TENM2: variants seen among roughly 807,000 people sequenced by gnomAD.
TENM2 encodes teneurin transmembrane protein 2.
Under a neutral mutation model 245.2 loss-of-function variants are expected in TENM2, and 52 were observed. The observed-to-expected ratio is 0.21, with a 90% CI of 0.17 to 0.27. TENM2 has a LOEUF of 0.27. Among genes scored for constraint, TENM2 ranks in the 10% least tolerant of loss-of-function variants. The probability of loss-of-function intolerance (pLI) is 1.00; values close to 1 mark genes in which losing one functional copy is unlikely to be tolerated. For synonymous variants in TENM2, 1,363 were observed against 1,438.9 expected (o/e 0.95, Z 1.19); for missense variants, 3,046 against 3,666.8 (o/e 0.83, Z 4.37).
chr5:167,741,646 A>T (rs1022201987), intron 2 of TENM2, among the ~76,000 whole-genome samples: 2 of 152,126 alleles, frequency 1.3e-5, no homozygotes, highest in African/African-American at 4.8e-5. Context: ...CTCAGCTTCA[A>T]CATATTGAAA....
chr5:167,945,957 G>GA (rs1437942906), intron 3 of TENM2, among the ~76,000 whole-genome samples: 2 of 152,126 alleles, frequency 1.3e-5, no homozygotes, highest in African/African-American at 4.8e-5. Context: ...CCTCCACTCT[G>GA]AAATGTGGAA....
chr5:168,164,856 T>C (rs1054333884), intron 13 of TENM2, among the ~76,000 whole-genome samples: 1 of 152,220 alleles, frequency 6.6e-6, no homozygotes, highest in East Asian at 1.9e-4. Context: ...TAGTGCCACC[T>C]TGGACCAGTC....
chr5:167,641,817 AC>A (rs1308767292), intron 2 of TENM2, among the ~76,000 whole-genome samples: 1 of 152,072 alleles, frequency 6.6e-6, no homozygotes, highest in Non-Finnish European at 1.5e-5. Flanking sequence ...CATCTAAAGG[AC>A]CCACTAACAT....
chr5:167,503,670 G>T (rs1214862250), intron 2 of TENM2, among the ~76,000 whole-genome samples: 1 of 152,196 alleles, frequency 6.6e-6, no homozygotes, highest in Non-Finnish European at 1.5e-5. Context: ...GAGGCAGGTG[G>T]ATTGCTTGAG....
intron 6 of TENM2, among the ~76,000 whole-genome samples, chr5:168,054,350 G>T (rs1327042350): frequency 6.6e-6 from 1 of 152,174 alleles, no homozygotes; most frequent in Non-Finnish European, 1.5e-5. Context: ...TCAATCTAAG[G>T]TCCTTGGAAG....
chr5:168,257,681 T>C (rs1767798148), intron 27 of TENM2, among the ~76,000 whole-genome samples: 2 of 150,510 alleles, frequency 1.3e-5, no homozygotes. Flanking sequence ...AGTAGCACGA[T>C]CTCTGCTCAC....
chr5:167,316,500 T>C (rs1013705317), intron 1 of TENM2, among the ~76,000 whole-genome samples: 4 of 152,296 alleles, frequency 2.6e-5, no homozygotes, highest in Middle Eastern at 3.4e-3. Context: ...TGAAGAGGGA[T>C]TAAAGACAGA....
At chr5:168,033,321 T>A (rs2151962552) in intron 5 of TENM2, 1 of 152,316 alleles carries the variant, frequency 6.6e-6, no homozygotes, top group East Asian at 1.9e-4. Context: ...GCACTAGAAA[T>A]GCAGTTAGGA....
intron 28 of TENM2, 112 bp downstream of exon 30, chr5:168,260,525 A>G (rs766253513): frequency 1.5e-5 from 20 of 1,293,668 alleles, no homozygotes; most frequent in East Asian, 2.3e-5. Context: ...GGAGCTGGGT[A>G]TAAAAGGTGC....
At chr5:167,365,379 G>A (rs747327676) in intron 1 of TENM2, among the ~76,000 whole-genome samples, 9 of 142,214 alleles carry the variant, frequency 6.3e-5, no homozygotes, top group Non-Finnish European at 1.1e-4. Flanking sequence ...CCTAGAGAAG[G>A]ATGAGAAAAA....
At chr5:167,490,105 A>G (rs1055588049) in intron 2 of TENM2, among the ~76,000 whole-genome samples, 3 of 152,144 alleles carry the variant, frequency 2.0e-5, no homozygotes, top group African/African-American at 7.2e-5. Flanking sequence ...ACAGATTTAG[A>G]TATATATTCC....
exon 27 of TENM2, chr5:168,246,906 G>T (rs761827232): frequency 1.2e-6 from 2 of 1,613,926 alleles, no homozygotes; most frequent in Non-Finnish European, 1.7e-6. Flanking sequence ...TTTACAACCC[G>T]CCTGAAAGCA....
At chr5:167,438,217 C>G (rs1027453950) in intron 2 of TENM2, among the ~76,000 whole-genome samples, 1 of 152,066 alleles carries the variant, frequency 6.6e-6, no homozygotes, top group African/African-American at 2.4e-5. Context: ...CTTTTTTCCG[C>G]AAGGATCCAA....
chr5:168,137,103 GT>G (rs760025833), intron 12 of TENM2, among the ~76,000 whole-genome samples: 5 of 152,198 alleles, frequency 3.3e-5, no homozygotes, highest in Admixed American at 6.5e-5. Flanking sequence ...CGTCCTGCCA[GT>G]TCCCAGAGAA....
rs10075561 is a variant in TENM2, at chr5:167,496,733, G to A, written c.502+121260G>A. Among the ~76,000 whole-genome samples, 687 of 152,148 alleles carry A rather than the reference G, an allele frequency of 4.5e-3. 4 individuals carry two copies. The highest frequency in any genetic ancestry group is 0.015 in the African/African-American group (642 of 41,522). Reference sequence around the variant, plus strand: ...AGACCCTCCATTGAGTTACATTCTTGTATTCAATTAGGGATGTGTATTATT... The same window carrying A: ...AGACCCTCCATTGAGTTACATTCTTATATTCAATTAGGGATGTGTATTATT... On this transcript the variant is annotated intron_variant, in intron 2 of 28. Coordinates refer to ENST00000518659, the Ensembl canonical transcript of TENM2.
chr5:167,766,965 T>C (rs1195810931), intron 2 of TENM2, among the ~76,000 whole-genome samples: 1 of 152,154 alleles, frequency 6.6e-6, no homozygotes, highest in East Asian at 1.9e-4. Flanking sequence ...TATAAAATGA[T>C]ATCATTGCTG....
Position 168,019,200 on chromosome 5 carries a change from A to T in TENM2, c.1186+26018A>T, listed in dbSNP as rs538521312. On this transcript the variant is annotated intron_variant, in intron 5 of 28. Coordinates refer to ENST00000518659, the Ensembl canonical transcript of TENM2. ...AAGTATACAAGGATCTAGGGTATTG[A>T]TGGAAAAGGTATTGGGGAGAAGGAC... Among the ~76,000 whole-genome samples the T allele has an allele frequency of 6.6e-5, 10 of 152,280 alleles. No individual in the cohort carries two copies. The East Asian group carries it at 1.9e-3, about 29-fold the overall frequency.
chr5:167,886,778 T>C (rs1774324621), intron 3 of TENM2, among the ~76,000 whole-genome samples: 1 of 152,198 alleles, frequency 6.6e-6, no homozygotes, highest in Non-Finnish European at 1.5e-5. Context: ...AAACACTTAG[T>C]ACAATGTTAA....
At chr5:168,100,782 T>G (rs148398480) in intron 9 of TENM2, among the ~76,000 whole-genome samples, 21 of 152,028 alleles carry the variant, frequency 1.4e-4, no homozygotes, top group Middle Eastern at 3.4e-3. Context: ...ATACCTAATG[T>G]AGATGATGGG....
Sources: gnomAD v4.1 joint callset for allele counts (sites outside exome capture counted in the v4.1 genomes callset) on GRCh38, gnomAD v4.1.1 for gene constraint, MANE v1.5 for transcripts, NCBI Gene and HGNC (gene_info 2026-07-23, HGNC 2026-07-21) for gene names.